DCDC1: variants seen among roughly 807,000 people sequenced by gnomAD.
The protein encoded by DCDC1 is doublecortin domain-containing protein 1.
Under a neutral mutation model 178.3 loss-of-function variants are expected in DCDC1, and 200 were observed. The ratio of observed to expected loss-of-function variants is 1.12; its 90% confidence interval spans 1.00 to 1.26. DCDC1 has a LOEUF of 1.26. Among genes scored for constraint, DCDC1 ranks in the 50% most tolerant of loss-of-function variants. The pLI is 0.00. For synonymous variants in DCDC1, 690 were observed against 604.8 expected, an observed-to-expected ratio of 1.14 and a Z score of -2.07; for missense variants, 1,983 against 1,749.2, an observed-to-expected ratio of 1.13 and a Z score of -2.38.
At chr11:30,984,832 G>A (rs1950562153) in intron 20 of DCDC1, among the ~76,000 whole-genome samples, 1 of 152,170 alleles carries the variant, frequency 6.6e-6, no homozygotes, top group Non-Finnish European at 1.5e-5. Flanking sequence ...GCTTCCACAT[G>A]TGCTGATACA....
At chr11:31,000,521 C>T (rs1951512246) in intron 20 of DCDC1, among the ~76,000 whole-genome samples, 1 of 152,128 alleles carries the variant, frequency 6.6e-6, no homozygotes, top group South Asian at 2.1e-4. Flanking sequence ...GGGAGCTACA[C>T]ATGCAGATAC....
At chr11:30,954,864 C>A (rs909845359) in intron 20 of DCDC1, among the ~76,000 whole-genome samples, 1 of 152,138 alleles carries the variant, frequency 6.6e-6, no homozygotes, top group South Asian at 2.1e-4. Context: ...ATTACAAATT[C>A]ATTATCTGAG....
chr11:30,964,784 T>G (rs1949331573), intron 20 of DCDC1, among the ~76,000 whole-genome samples: 1 of 152,156 alleles, frequency 6.6e-6, no homozygotes, highest in South Asian at 2.1e-4. Context: ...ATCTTCACCC[T>G]TAACACAAGT....
chr11:31,194,430 G>C (rs1377315116), intron 9 of DCDC1, among the ~76,000 whole-genome samples: 1 of 151,744 alleles, frequency 6.6e-6, no homozygotes, highest in East Asian at 1.9e-4. Context: ...TATGGACAAG[G>C]ATAGAAAAAA....
chr11:31,249,491 G>T (rs1353254675), intron 8 of DCDC1, among the ~76,000 whole-genome samples: 1 of 152,138 alleles, frequency 6.6e-6, no homozygotes, highest in African/African-American at 2.4e-5. Context: ...AGCAACAAGG[G>T]TAGATGAAGT....
At chr11:31,238,536 C>T (rs964080800) in intron 9 of DCDC1, among the ~76,000 whole-genome samples, 4 of 152,054 alleles carry the variant, frequency 2.6e-5, no homozygotes, top group South Asian at 2.1e-4. Context: ...CCTTTTCACA[C>T]GTTCCTTCCA....
intron 20 of DCDC1, among the ~76,000 whole-genome samples, chr11:30,957,895 C>G (rs1346395340): frequency 1.3e-5 from 2 of 152,168 alleles, no homozygotes; most frequent in African/African-American, 2.4e-5. Context: ...TTAACTTACA[C>G]CTATGGCCTG....
chr11:31,279,640 A>G (rs1946273743), intron 7 of DCDC1, among the ~76,000 whole-genome samples: 1 of 152,168 alleles, frequency 6.6e-6, no homozygotes, highest in Admixed American at 6.5e-5. Context: ...ACAAGAACAG[A>G]AAACCAAACA....
At chr11:31,205,617 G>A (rs1009527010) in intron 9 of DCDC1, among the ~76,000 whole-genome samples, 1 of 152,100 alleles carries the variant, frequency 6.6e-6, no homozygotes, top group South Asian at 2.1e-4. Flanking sequence ...TCCATCATAT[G>A]AGCTCCAATG....
At chr11:31,047,843 A>C (rs1954956399) in intron 20 of DCDC1, among the ~76,000 whole-genome samples, 1 of 152,222 alleles carries the variant, frequency 6.6e-6, no homozygotes, top group Admixed American at 6.5e-5. Context: ...AGCAGTGCAC[A>C]ACTTATTTAA....
chr11:31,078,952 T>C (rs1957017742), intron 17 of DCDC1, among the ~76,000 whole-genome samples: 1 of 152,056 alleles, frequency 6.6e-6, no homozygotes, highest in Non-Finnish European at 1.5e-5. Flanking sequence ...AGTGAGGAAA[T>C]GAAAAATCAA....
At chr11:31,072,297 C>A (rs1168985710) in intron 18 of DCDC1, among the ~76,000 whole-genome samples, 1 of 152,044 alleles carries the variant, frequency 6.6e-6, no homozygotes, top group East Asian at 1.9e-4. Context: ...AAGTGCATAT[C>A]GTTTTCTATG....
Position 30,931,878 on chromosome 11 carries a change from T to C in DCDC1, c.2790A>G (p.Thr930=), listed in dbSNP as rs755687261. The change falls in exon 22 of 39, where the codon ACA becomes ACG. Residue 930 remains threonine, a synonymous_variant. Coordinates refer to ENST00000684477, the MANE Select transcript of DCDC1 (RefSeq NM_001387274.1). ...PPMKKPICKT[T]EPYAPVRLRV... is the part of the protein sequence containing the mutation. The stretch of plus-strand genomic sequence containing the variant: ...TGAGTCGCACAGGGGCATATGGCTC[T>C]GTTGTCTTACAGATGGGTTTCTTCA... The C allele has an allele frequency of 6.2e-6, 10 of 1,613,062 alleles. No individual in the cohort carries two copies. In the East Asian group the frequency reaches 1.3e-4, roughly 22 times the overall value.
At chr11:31,222,969 C>T (rs1208177623) in intron 9 of DCDC1, among the ~76,000 whole-genome samples, 2 of 151,932 alleles carry the variant, frequency 1.3e-5, no homozygotes, top group East Asian at 3.9e-4. Flanking sequence ...AATGTTTAAC[C>T]TTGAAAGTAA....
intron 20 of DCDC1, among the ~76,000 whole-genome samples, chr11:31,037,822 T>C (rs982135069): frequency 5.9e-5 from 9 of 152,110 alleles, no homozygotes; most frequent in African/African-American, 2.2e-4. Context: ...TTATCTCAGC[T>C]AACCATTTCC....
At chr11:31,084,434 G>C (rs1271878503) in intron 17 of DCDC1, among the ~76,000 whole-genome samples, 1 of 152,068 alleles carries the variant, frequency 6.6e-6, no homozygotes, top group East Asian at 1.9e-4. Flanking sequence ...AAAGATAAAT[G>C]TGTTTGAAAT....
At chr11:31,027,303 C>A (rs1386090803) in intron 20 of DCDC1, among the ~76,000 whole-genome samples, 1 of 151,786 alleles carries the variant, frequency 6.6e-6, no homozygotes, top group Non-Finnish European at 1.5e-5. Flanking sequence ...TGCCTAAATT[C>A]TCTGCCTCCA....
rs78433630 is a variant in DCDC1 at position 31,056,264 on chromosome 11, G to A, written c.2591+8205C>T. Among the ~76,000 whole-genome samples, 879 of 151,858 alleles carry A rather than the reference G, an allele frequency of 5.8e-3. 10 individuals carry two copies. Among genetic ancestry groups the A allele is most frequent in the African/African-American group, 0.02 (834 of 41,458 alleles). On this transcript the variant is annotated intron_variant, in intron 20 of 38. Coordinates refer to ENST00000684477, the MANE Select transcript of DCDC1 (RefSeq NM_001387274.1). ...ATAACATAAAATAATAAATTTTAGA[G>A]GAGACCAAAAAAGAGAGAAAACAGG...
chr11:31,017,133 T>TA lies in DCDC1; in HGVS notation c.2591+47335dup, dbSNP rs549462465. 1.7e-3 allele frequency among the ~76,000 whole-genome samples: 258 copies of TA among 151,996 alleles called. 1 individual carries two copies. The highest frequency in any genetic ancestry group is 5.5e-3 in the African/African-American group (228 of 41,468). On this transcript the variant is annotated intron_variant, in intron 20 of 38. Transcript: ENST00000684477. Reference sequence around the variant, plus strand: ...TACATTATACACAAAACAGGAGAAGTAAAAAAAAGATTAGCTAAAGAATAA... The same window carrying TA: ...TACATTATACACAAAACAGGAGAAGTAAAAAAAAAGATTAGCTAAAGAATAA...
Sources: allele counts gnomAD v4.1 joint callset (sites outside exome capture counted in the v4.1 genomes callset), GRCh38; gene constraint gnomAD v4.1.1; transcripts MANE v1.5; gene names NCBI Gene and HGNC (gene_info 2026-07-23, HGNC 2026-07-21).